Variants in SH3RF3 observed in about 807,000 individuals in gnomAD.
The protein encoded by SH3RF3 is E3 ubiquitin-protein ligase SH3RF3.
A neutral mutation model predicts 66.3 loss-of-function variants in SH3RF3; 29 were observed. The observed-to-expected ratio is 0.44, with a 90% confidence interval of 0.33 to 0.60. SH3RF3 has a LOEUF of 0.60. SH3RF3 is among the 20% of genes least tolerant of loss of function. The probability of loss-of-function intolerance (pLI) is 0.04; values close to 1 mark genes in which losing one functional copy is unlikely to be tolerated. For synonymous variants in SH3RF3, 583 were observed against 532.0 expected (o/e 1.10, Z -1.32); for missense variants, 1,194 against 1,190.9 (o/e 1.00, Z -0.04).
intron 1 of SH3RF3, among the ~76,000 whole-genome samples, chr2:109,210,533 G>A (rs1012531363): frequency 5.3e-5 from 8 of 152,186 alleles, no homozygotes; most frequent in African/African-American, 1.7e-4. Context: ...AATGAGATGG[G>A]ACATCTGGGG....
intron 1 of SH3RF3, among the ~76,000 whole-genome samples, chr2:109,148,260 G>A (rs17034926): frequency 0.034 from 5,155 of 152,280 alleles, 275 homozygotes; most frequent in African/African-American, 0.12. Flanking sequence ...TGTGAGATGG[G>A]CCCCGATCAT....
chr2:109,359,567 G>A (rs1031315762), intron 2 of SH3RF3, among the ~76,000 whole-genome samples: 5 of 152,078 alleles, frequency 3.3e-5, no homozygotes, highest in African/African-American at 1.2e-4. Flanking sequence ...AATGTAAATT[G>A]TATCATGTTT....
intron 1 of SH3RF3, among the ~76,000 whole-genome samples, chr2:109,215,831 CT>C (rs1313896982): frequency 6.6e-6 from 1 of 152,136 alleles, no homozygotes; most frequent in African/African-American, 2.4e-5. Context: ...GAGTTTGTTC[CT>C]TTTCTTTCTT....
intron 1 of SH3RF3, among the ~76,000 whole-genome samples, chr2:109,333,836 T>C (rs991441192): frequency 6.6e-6 from 1 of 152,154 alleles, no homozygotes; most frequent in African/African-American, 2.4e-5. Flanking sequence ...TAATAATATC[T>C]CCATTATAAT....
chr2:109,406,344 G>A (rs1417932070), intron 4 of SH3RF3, among the ~76,000 whole-genome samples: 1 of 152,126 alleles, frequency 6.6e-6, no homozygotes, highest in Non-Finnish European at 1.5e-5. Context: ...CATAAACCAA[G>A]TATGAAGTCA....
chr2:109,149,426 A>C (rs1279518237), intron 1 of SH3RF3, among the ~76,000 whole-genome samples: 1 of 152,218 alleles, frequency 6.6e-6, no homozygotes, highest in African/African-American at 2.4e-5. Flanking sequence ...AGTCATTTGC[A>C]CTTCTAAACC....
intron 7 of SH3RF3, among the ~76,000 whole-genome samples, chr2:109,447,114 C>G (rs1298777025): frequency 8.0e-6 from 1 of 125,736 alleles, no homozygotes; most frequent in African/African-American, 3.1e-5. Flanking sequence ...TCAAATGTTT[C>G]AAGTTTCCAA....
At position 109,241,915 on chromosome 2, in the gene SH3RF3, A is replaced by G. The variant is rs567900426; in HGVS notation, c.574-105759A>G. Among the ~76,000 whole-genome samples, 78 of 151,242 alleles carry G rather than the reference A, an allele frequency of 5.2e-4. 1 individual carries two copies. Among genetic ancestry groups the G allele is most frequent in the African/African-American group, 1.7e-3 (70 of 41,158 alleles). ...CGAGTAGCTGGGACTACAGGGGCCC[A>G]CCACCTCTGCTTGGACCTGAGACAC... On this transcript the variant is annotated intron_variant, in intron 1 of 9. Coordinates refer to ENST00000309415, the MANE Select transcript of SH3RF3 (RefSeq NM_001099289.3).
chr2:109,318,876 C>T (rs992205157), intron 1 of SH3RF3, among the ~76,000 whole-genome samples: 2 of 152,256 alleles, frequency 1.3e-5, no homozygotes, highest in South Asian at 2.1e-4. Context: ...GAACCAAAGC[C>T]AGCTGGAATT....
intron 1 of SH3RF3, among the ~76,000 whole-genome samples, chr2:109,218,234 G>T (rs1290942784): frequency 1.3e-5 from 2 of 151,992 alleles, no homozygotes; most frequent in East Asian, 3.8e-4. Flanking sequence ...TCCTTCATGT[G>T]GCATGGCACA....
intron 1 of SH3RF3, among the ~76,000 whole-genome samples, chr2:109,277,170 T>C (rs187154099): frequency 1.7e-3 from 261 of 152,214 alleles, no homozygotes; most frequent in African/African-American, 5.4e-3. Flanking sequence ...CTTCATTACG[T>C]AGTTAGAAAC....
chr2:109,293,305 T>A (rs1228375653), intron 1 of SH3RF3, among the ~76,000 whole-genome samples: 2 of 152,216 alleles, frequency 1.3e-5, no homozygotes, highest in Non-Finnish European at 1.5e-5. Flanking sequence ...GCGAAGGAGT[T>A]TGGATGACAA....
At chr2:109,356,697 C>T (rs1253479837) in intron 2 of SH3RF3, among the ~76,000 whole-genome samples, 1 of 152,200 alleles carries the variant, frequency 6.6e-6, no homozygotes, top group Admixed American at 6.5e-5. Flanking sequence ...ATGGCCAACT[C>T]CTGGCCTGTG....
intron 8 of SH3RF3, among the ~76,000 whole-genome samples, chr2:109,476,597 C>T (rs1346147016): frequency 2.0e-5 from 3 of 152,216 alleles, no homozygotes; most frequent in Non-Finnish European, 2.9e-5. Context: ...GCCTCAAACA[C>T]ATGGTTATGA....
chr2:109,147,355 G>A (rs1047360031), intron 1 of SH3RF3, among the ~76,000 whole-genome samples: 1 of 152,288 alleles, frequency 6.6e-6, no homozygotes, highest in East Asian at 1.9e-4. Flanking sequence ...CTATCTCTGC[G>A]CTGATAAGCA....
intron 1 of SH3RF3, among the ~76,000 whole-genome samples, chr2:109,304,142 G>C (rs189134526): frequency 6.6e-6 from 1 of 151,630 alleles, no homozygotes; most frequent in East Asian, 1.9e-4. Context: ...GCAGTTTTAA[G>C]TAGACAGTAC....
rs75568989 is a variant in SH3RF3 at position 109,143,339 on chromosome 2, T to A, written c.573+13226T>A. On this transcript the variant is annotated intron_variant, in intron 1 of 9. Transcript: ENST00000309415. ...GGATAAAAAATGCCTTAAGTTGAAG[T>A]GAAATCAGAACCTCAAAGCGAGATG... 2.8e-3 allele frequency among the ~76,000 whole-genome samples: 420 copies of A among 152,280 alleles called. 12 individuals carry two copies. In the East Asian group the frequency reaches 0.07, roughly 25 times the overall value.
At chr2:109,183,638 C>T (rs556195527) in intron 1 of SH3RF3, among the ~76,000 whole-genome samples, 75 of 152,216 alleles carry the variant, frequency 4.9e-4, no homozygotes, top group Admixed American at 1.9e-3. Flanking sequence ...TTATCCTGCC[C>T]GTCCACTCAC....
chr2:109,153,412 C>T lies in SH3RF3; in HGVS notation c.573+23299C>T, dbSNP rs531503326. 8.5e-5 allele frequency among the ~76,000 whole-genome samples: 13 copies of T among 152,076 alleles called. No individual in the cohort carries two copies. In the South Asian group the frequency reaches 2.3e-3, roughly 27 times the overall value. ...GAAAGGCAATTACGCTGATTTTGCC[C>T]AAAATTTGGACAGATTAGTTCTGCT... On this transcript the variant is annotated intron_variant, in intron 1 of 9. Coordinates refer to ENST00000309415, the MANE Select transcript of SH3RF3 (RefSeq NM_001099289.3).
Sources: allele counts gnomAD v4.1 joint callset (sites outside exome capture counted in the v4.1 genomes callset), GRCh38; gene constraint gnomAD v4.1.1; transcripts MANE v1.5; gene names NCBI Gene and HGNC (gene_info 2026-07-23, HGNC 2026-07-21).